RPAP2: variants seen among roughly 807,000 people sequenced by gnomAD.
RPAP2 encodes the protein RNA polymerase II associated protein 2.
A neutral mutation model predicts 73.1 loss-of-function variants in RPAP2; 52 were observed. The ratio of observed to expected loss-of-function variants is 0.71; its 90% confidence interval spans 0.57 to 0.90. The LOEUF (loss-of-function observed/expected upper bound fraction) is 0.90. Ranked by LOEUF, RPAP2 falls within the 40% of genes least tolerant of loss-of-function variation. The pLI, the probability that RPAP2 is intolerant of heterozygous loss-of-function variation, is 0.00. For missense variants in RPAP2, 598 were observed against 701.8 expected, an observed-to-expected ratio of 0.85 and a Z score of 1.67; for synonymous variants, 225 against 242.1, an observed-to-expected ratio of 0.93 and a Z score of 0.65.
intron 8 of RPAP2, among the ~76,000 whole-genome samples, chr1:92,332,547 T>C (rs1276103699): frequency 1.3e-5 from 2 of 152,184 alleles, no homozygotes; most frequent in Admixed American, 6.5e-5. Flanking sequence ...GATGTTATCT[T>C]CCTCTAGAAT....
intron 8 of RPAP2, among the ~76,000 whole-genome samples, chr1:92,332,448 C>T (rs1653023926): frequency 6.6e-6 from 1 of 152,030 alleles, no homozygotes; most frequent in Non-Finnish European, 1.5e-5. Context: ...TCTCTGTAGG[C>T]TGTTTCAGAT....
chr1:92,383,323 T>G lies in RPAP2; in HGVS notation c.1838+2450T>G, dbSNP rs546541960. ...CTGTGAAGAAAGTCATTGGTAGCTT[T>G]ATGGGGATGGCATTGAATCTATAAA... On this transcript the variant is annotated intron_variant, in intron 12 of 12. Transcript: ENST00000610020. 3.0e-3 allele frequency among the ~76,000 whole-genome samples: 458 copies of G among 151,992 alleles called. 2 individuals carry two copies. Among genetic ancestry groups the G allele is most frequent in the African/African-American group, 6.4e-3 (266 of 41,438 alleles).
intron 11 of RPAP2, among the ~76,000 whole-genome samples, chr1:92,375,199 AAT>A (rs1236415643): frequency 3.9e-5 from 6 of 152,222 alleles, no homozygotes; most frequent in African/African-American, 1.2e-4. Flanking sequence ...TCTTAAAAAT[AAT>A]ATGTTTTACA....
At position 92,349,964 on chromosome 1, in the gene RPAP2, A is replaced by G. The variant is rs566948555; in HGVS notation, c.1688+4050A>G. Among the ~76,000 whole-genome samples the G allele has an allele frequency of 3.9e-5, 6 of 152,316 alleles. No individual in the cohort carries two copies. In the South Asian group the frequency reaches 1.2e-3, roughly 32 times the overall value. On this transcript the variant is annotated intron_variant, in intron 11 of 12. Coordinates refer to ENST00000610020, the MANE Select transcript of RPAP2 (RefSeq NM_024813.3). Reference sequence around the variant, plus strand: ...TAATTTGGACCATAACATGTAATTTATCAATGTATACTGATGGAAATTGTA... The same window carrying G: ...TAATTTGGACCATAACATGTAATTTGTCAATGTATACTGATGGAAATTGTA...
At chr1:92,320,696 G>A in intron 7 of RPAP2, 62 bp downstream of exon 7, 1 of 1,352,102 alleles carries the variant, frequency 7.4e-7, no homozygotes, top group South Asian at 1.2e-5. Flanking sequence ...CATTAGGAGT[G>A]AACCAGGTGA....
At chr1:92,317,327 T>G (rs1651971941) in intron 6 of RPAP2, among the ~76,000 whole-genome samples, 1 of 151,980 alleles carries the variant, frequency 6.6e-6, no homozygotes, top group African/African-American at 2.4e-5. Context: ...GCCAACATGG[T>G]GAAACCCCAT....
intron 12 of RPAP2, among the ~76,000 whole-genome samples, chr1:92,385,903 T>C (rs937032506): frequency 3.3e-5 from 5 of 152,224 alleles, no homozygotes; most frequent in African/African-American, 1.2e-4. Flanking sequence ...AGCGCTATGA[T>C]GTCACCTGAA....
chr1:92,353,095 CA>C (rs1440081923), intron 11 of RPAP2, among the ~76,000 whole-genome samples: 1 of 152,134 alleles, frequency 6.6e-6, no homozygotes, highest in Non-Finnish European at 1.5e-5. Flanking sequence ...CATCAGTTGA[CA>C]AACATTTGGG....
intron 11 of RPAP2, among the ~76,000 whole-genome samples, chr1:92,362,718 A>G (rs1212758860): frequency 6.6e-6 from 1 of 152,118 alleles, no homozygotes; most frequent in Non-Finnish European, 1.5e-5. Context: ...CATTTTATTT[A>G]TATACTAATT....
intron 10 of RPAP2, among the ~76,000 whole-genome samples, chr1:92,338,473 T>A (rs1402042942): frequency 6.6e-6 from 1 of 152,158 alleles, no homozygotes; most frequent in African/African-American, 2.4e-5. Context: ...CAAAAGGAGA[T>A]AAAAAGTATT....
chr1:92,360,330 A>C (rs549458468), intron 11 of RPAP2, among the ~76,000 whole-genome samples: 1 of 152,356 alleles, frequency 6.6e-6, no homozygotes, highest in African/African-American at 2.4e-5. Flanking sequence ...GTTTCTACAG[A>C]ATGATAGGAG....
In RPAP2 at chr1:92,388,742, C is replaced by T. The variant is rs1410787277; in HGVS notation, c.*1731C>T. The T allele has an allele frequency of 6.6e-6, 1 of 152,480 alleles. No individual in the cohort carries two copies. The highest frequency in any genetic ancestry group is 2.4e-5 in the African/African-American group (1 of 41,584). 9.4% of individuals were successfully genotyped at this position (152,480 alleles called of 1,614,324 possible). ...CTCCCATGCCTGGTTCAGTGGGTCC[C>T]ACGCCCACAGAGCCTTGCTCACTGC... On this transcript the variant is annotated 3_prime_UTR_variant, in exon 13 of 13. Transcript: ENST00000610020.
intron 11 of RPAP2, among the ~76,000 whole-genome samples, chr1:92,368,913 G>A (rs1655037019): frequency 1.3e-5 from 2 of 152,174 alleles, no homozygotes; most frequent in Non-Finnish European, 2.9e-5. Flanking sequence ...GTTATAGAAG[G>A]ATATCTGTAT....
At chr1:92,367,339 A>G (rs1375371039) in intron 11 of RPAP2, among the ~76,000 whole-genome samples, 2 of 152,244 alleles carry the variant, frequency 1.3e-5, no homozygotes. Context: ...CATCTATCCC[A>G]GACGGCTTTT....
At chr1:92,385,238 C>T (rs1655820130) in intron 12 of RPAP2, among the ~76,000 whole-genome samples, 1 of 151,316 alleles carries the variant, frequency 6.6e-6, no homozygotes, top group Non-Finnish European at 1.5e-5. Flanking sequence ...GCCAGAAGTC[C>T]TTCTAAACCT....
chr1:92,372,408 G>C lies in RPAP2; in HGVS notation c.1689-8316G>C, dbSNP rs1236153218. Among the ~76,000 whole-genome samples the C allele has an allele frequency of 3.9e-5, 6 of 152,176 alleles. No individual in the cohort carries two copies. The East Asian group carries it at 1.2e-3, about 29-fold the overall frequency. On this transcript the variant is annotated intron_variant, in intron 11 of 12. Coordinates refer to ENST00000610020, the MANE Select transcript of RPAP2 (RefSeq NM_024813.3). Reference sequence around the variant, plus strand: ...ACTATTCATGCTTAGCCAGTCGTAGGGCTTCCCAGACAACACTGAATTCCA... The same window carrying C: ...ACTATTCATGCTTAGCCAGTCGTAGCGCTTCCCAGACAACACTGAATTCCA...
At chr1:92,370,163 G>T (rs984054265) in intron 11 of RPAP2, among the ~76,000 whole-genome samples, 1 of 152,224 alleles carries the variant, frequency 6.6e-6, no homozygotes, top group African/African-American at 2.4e-5. Flanking sequence ...GGGATTACAG[G>T]CATGAGCCAC....
At chr1:92,367,923 C>T (rs192114387) in intron 11 of RPAP2, among the ~76,000 whole-genome samples, 52 of 152,304 alleles carry the variant, frequency 3.4e-4, no homozygotes, top group African/African-American at 1.3e-3. Context: ...AGAGTTATTA[C>T]TTCTGTCCAG....
At chr1:92,309,360 T>A (rs1254510190) in intron 6 of RPAP2, among the ~76,000 whole-genome samples, 1 of 150,932 alleles carries the variant, frequency 6.6e-6, no homozygotes, top group African/African-American at 2.4e-5. Flanking sequence ...GAGAATTGCT[T>A]GAACCTGGGA....
Sources: gnomAD v4.1 joint callset for allele counts (sites outside exome capture counted in the v4.1 genomes callset) on GRCh38, gnomAD v4.1.1 for gene constraint, MANE v1.5 for transcripts, NCBI Gene and HGNC (gene_info 2026-07-23, HGNC 2026-07-21) for gene names.